Variants in RBM10 observed in about 807,000 individuals in gnomAD.
RBM10 encodes the protein RNA binding motif protein 10.
A neutral mutation model predicts 84.9 loss-of-function variants in RBM10; 1 was observed. The observed-to-expected ratio is 0.01, with a 90% CI of 0.00 to 0.06. RBM10 has a LOEUF of 0.06. Ranked by LOEUF, RBM10 falls within the 10% of genes least tolerant of loss-of-function variation. RBM10 has a pLI of 1.00. For synonymous variants in RBM10, 326 were observed against 344.5 expected (o/e 0.95, Z 0.60); for missense variants, 438 against 839.0 (o/e 0.52, Z 5.90).
At chrX:47,166,886 C>G (rs1402028873) in intron 2 of RBM10, among the ~76,000 whole-genome samples, 2 of 109,018 alleles carry the variant, frequency 1.8e-5, no homozygotes, top group Admixed American at 2.0e-4. Flanking sequence ...AGCGATTCTC[C>G]TGTCTCGCCC....
At chrX:47,164,144 C>T (rs1933984408) in intron 2 of RBM10, among the ~76,000 whole-genome samples, 1 of 110,780 alleles carries the variant, frequency 9.0e-6, no homozygotes, top group Non-Finnish European at 1.9e-5. Flanking sequence ...GCTGGGATTA[C>T]AGGCGTGAGT....
At chrX:47,172,722 C>T (rs1043489000) in intron 4 of RBM10, among the ~76,000 whole-genome samples, 19 of 112,379 alleles carry the variant, frequency 1.7e-4, no homozygotes, top group East Asian at 5.6e-4. Context: ...GGCGGGGGTG[C>T]GGGTTATCCC....
intron 12 of RBM10, among the ~76,000 whole-genome samples, 185 bp from the exon 13 acceptor site, chrX:47,181,030 G>T (rs1448836352): frequency 9.0e-6 from 1 of 111,254 alleles, no homozygotes; most frequent in Non-Finnish European, 1.9e-5. Context: ...TCTTGTGTTT[G>T]CCACTGGCCT....
chrX:47,159,322 T>G (rs1556766135), intron 2 of RBM10, among the ~76,000 whole-genome samples: 1 of 106,841 alleles, frequency 9.4e-6, no homozygotes, highest in Admixed American at 1.0e-4. Flanking sequence ...GGCAGGAGAA[T>G]CTCTTGAACC....
At chrX:47,173,965 C>T (rs1934907281) in intron 5 of RBM10, among the ~76,000 whole-genome samples, 1 of 90,545 alleles carries the variant, frequency 1.1e-5, no homozygotes, top group Non-Finnish European at 2.2e-5. Context: ...CTCTCTCTGC[C>T]CCCCCCAACT....
At chrX:47,170,877 G>T in intron 3 of RBM10, 151 bp from the exon 4 acceptor site, 2 of 566,528 alleles carry the variant, frequency 3.5e-6, no homozygotes, top group Non-Finnish European at 5.9e-6. Context: ...GCAGGCCGGG[G>T]CCTGCCCACC....
At position 47,168,393 on chromosome X, in the gene RBM10, C is replaced by T. The variant is rs1041287214; in HGVS notation, c.18-922C>T. The stretch of plus-strand genomic sequence containing the variant: ...TGAAACCCCATCTCTACAAAAAATA[C>T]AAAAATGAGCTGGGCGTGGTGGTGC... On this transcript the variant is annotated intron_variant, in intron 2 of 23. Coordinates refer to ENST00000377604, the MANE Select transcript of RBM10 (RefSeq NM_005676.5). Among the ~76,000 whole-genome samples the T allele has an allele frequency of 2.4e-4, 27 of 110,599 alleles. 1 individual carries two copies. Among genetic ancestry groups the T allele is most frequent in the African/African-American group, 8.6e-4 (26 of 30,364 alleles).
intron 2 of RBM10, chrX:47,156,717 A>C (rs1933178723): frequency 6.1e-6 from 1 of 163,843 alleles, no homozygotes; most frequent in African/African-American, 3.2e-5. Context: ...GGTGCAGCAG[A>C]GTCTCGGGTG....
chrX:47,172,988 G>T lies in RBM10; in HGVS notation c.433-140G>T, dbSNP rs1934784764. The T allele has an allele frequency of 1.2e-5, 14 of 1,148,025 alleles. No homozygotes were observed. The South Asian group carries it at 2.3e-4, about 19-fold the overall frequency. The allele number at this position is 1,148,025 out of a possible 1,213,427, so 94.6% of individuals were successfully genotyped here. A position where few individuals can be genotyped will look rare whatever the true frequency, so the allele number is the denominator to read the frequency against. ...GTGGGCCTGGGGCTGTTGTCACTCAGGGAAAAGCTGCGAAAGAGGCGGAGG... is the reference window on the plus strand; with the variant it reads ...GTGGGCCTGGGGCTGTTGTCACTCATGGAAAAGCTGCGAAAGAGGCGGAGG... On this transcript the variant is annotated intron_variant, in intron 4 of 23. Coordinates refer to ENST00000377604, the MANE Select transcript of RBM10 (RefSeq NM_005676.5).
In RBM10 at chrX:47,186,744, G is replaced by A. The variant is rs1163846374; in HGVS notation, c.*145G>A. ...GAGGGCTTGACCAAATCAAATTGAG[G>A]TGGTGACTTTTGTTGGAAAATTGGG... On this transcript the variant is annotated 3_prime_UTR_variant, in exon 24 of 24. Transcript: ENST00000377604. 1 of 788,487 alleles carries A rather than the reference G, an allele frequency of 1.3e-6. No homozygotes were observed. The highest frequency in any genetic ancestry group is 1.9e-6 in the Non-Finnish European group (1 of 530,547). 65.0% of individuals were successfully genotyped at this position (788,487 alleles called of 1,213,427 possible).
At chrX:47,178,204 C>T (rs897496130) in intron 7 of RBM10, among the ~76,000 whole-genome samples, 1 of 111,576 alleles carries the variant, frequency 9.0e-6, no homozygotes, top group African/African-American at 3.3e-5. Context: ...GCATAAGATC[C>T]TCCATTACCT....
At chrX:47,177,878 A>C (rs1216708484) in intron 7 of RBM10, among the ~76,000 whole-genome samples, 1 of 111,817 alleles carries the variant, frequency 8.9e-6, no homozygotes, top group Non-Finnish European at 1.9e-5. Context: ...CAGCCTCCCA[A>C]AGTGCTGGGA....
chrX:47,180,595 G>A lies in RBM10; in HGVS notation c.1248+89G>A. 2.6e-6 allele frequency: 3 copies of A among 1,164,693 alleles called. No homozygotes were observed. In the South Asian group the frequency reaches 5.7e-5, roughly 22 times the overall value. Reference sequence around the variant, plus strand: ...CTCTCTGAAGCAGGAAGGCTGGCTTGCTATCCATGGATGCAAAACCCTCTC... The same window carrying A: ...CTCTCTGAAGCAGGAAGGCTGGCTTACTATCCATGGATGCAAAACCCTCTC... On this transcript the variant is annotated intron_variant, in intron 12 of 23. Coordinates refer to ENST00000377604, the MANE Select transcript of RBM10 (RefSeq NM_005676.5).
chrX:47,150,980 G>A (rs1024954644), intron 2 of RBM10, among the ~76,000 whole-genome samples: 1 of 111,539 alleles, frequency 9.0e-6, no homozygotes, highest in South Asian at 3.7e-4. Flanking sequence ...AGCATAAAAA[G>A]CTTTCATTTT....
intron 2 of RBM10, among the ~76,000 whole-genome samples, chrX:47,160,391 TTAAA>T (rs1266018449): frequency 9.0e-6 from 1 of 111,605 alleles, no homozygotes; most frequent in Non-Finnish European, 1.9e-5. Flanking sequence ...TACAAGGAAG[TTAAA>T]TCAATAGGCA....
At chrX:47,161,581 G>C (rs1602525806) in intron 2 of RBM10, among the ~76,000 whole-genome samples, 1 of 93,502 alleles carries the variant, frequency 1.1e-5, no homozygotes, top group African/African-American at 4.2e-5. Flanking sequence ...TTGTCGCCCA[G>C]GTGCAGTGGC....
chrX:47,173,826 A>T (rs1934860769), intron 5 of RBM10, among the ~76,000 whole-genome samples: 1 of 103,222 alleles, frequency 9.7e-6, no homozygotes, highest in African/African-American at 3.5e-5. Context: ...AGGCAGGCAC[A>T]GTGGGGCCTC....
Position 47,171,186 on chromosome X carries a change from T to C in RBM10, c.360T>C (p.Asp120=), listed in dbSNP as rs377667483. 3 of 1,197,259 alleles carry C rather than the reference T, an allele frequency of 2.5e-6. No individual in the cohort carries two copies. The highest frequency in any genetic ancestry group is 2.4e-4 in the Middle Eastern group (1 of 4,157). The change falls in exon 4 of 24, where the codon GAT becomes GAC. Residue 120 remains aspartate, a synonymous_variant. Coordinates refer to ENST00000377604, the MANE Select transcript of RBM10 (RefSeq NM_005676.5). ...GGGAGGAGGAGGAGGAGGAGGAGGA[T>C]GAGGAGGAGGAGGAGAAGGCCAGTA... The part of the protein sequence containing the change: ...EQGEEEEEEE[D]EEEEEKASNI...
At chrX:47,153,966 G>A (rs1363098742) in intron 2 of RBM10, among the ~76,000 whole-genome samples, 2 of 111,032 alleles carry the variant, frequency 1.8e-5, no homozygotes, top group Non-Finnish European at 3.8e-5. Flanking sequence ...GCTGAGGCAG[G>A]AGGATTACCT....
Sources: gnomAD v4.1 joint callset for allele counts (sites outside exome capture counted in the v4.1 genomes callset) on GRCh38, gnomAD v4.1.1 for gene constraint, MANE v1.5 for transcripts, NCBI Gene and HGNC (gene_info 2026-07-23, HGNC 2026-07-21) for gene names.